The following PLXNA4 variants were observed in gnomAD, a reference collection of about 807,000 sequenced individuals.
PLXNA4 encodes the protein plexin A4.
In PLXNA4, 44 loss-of-function variants were observed where a neutral mutation model predicts 191.8. The ratio of observed to expected loss-of-function variants is 0.23; its 90% CI spans 0.18 to 0.29. PLXNA4 has a LOEUF of 0.29. Among genes scored for constraint, PLXNA4 ranks in the 10% least tolerant of loss-of-function variants. PLXNA4 has a pLI of 1.00. For missense variants in PLXNA4, 1,800 were observed against 2,488.8 expected, an observed-to-expected ratio of 0.72 and a Z score of 5.89; for synonymous variants, 1,082 against 1,009.5, an observed-to-expected ratio of 1.07 and a Z score of -1.36.
intron 1 of PLXNA4, among the ~76,000 whole-genome samples, chr7:132,551,452 A>C (rs1327563226): frequency 6.6e-6 from 1 of 152,226 alleles, no homozygotes; most frequent in African/African-American, 2.4e-5. Flanking sequence ...GAACAAACCT[A>C]TAATAGAAAA....
chr7:132,243,200 A>G (rs1798937924), intron 4 of PLXNA4, among the ~76,000 whole-genome samples: 1 of 152,230 alleles, frequency 6.6e-6, no homozygotes, highest in Non-Finnish European at 1.5e-5. Context: ...AAAAAATAAT[A>G]AAAGGGGCCA....
chr7:132,632,984 C>T (rs140900657), intron 2 of PLXNA4, among the ~76,000 whole-genome samples: 1,560 of 152,052 alleles, frequency 0.01, 15 homozygotes, highest in Admixed American at 0.021. Flanking sequence ...GGAGACAGAC[C>T]CCCAGCTTCA....
At chr7:132,632,254 A>G (rs932257949) in intron 2 of PLXNA4, among the ~76,000 whole-genome samples, 2 of 151,996 alleles carry the variant, frequency 1.3e-5, no homozygotes, top group African/African-American at 2.4e-5. Context: ...AAAAAAAAAA[A>G]AAAATGGAGG....
intron 1 of PLXNA4, among the ~76,000 whole-genome samples, chr7:132,539,759 T>C (rs554358551): frequency 6.6e-6 from 1 of 152,346 alleles, no homozygotes; most frequent in Admixed American, 6.5e-5. Context: ...CATAAATATT[T>C]GCTAATATTG....
At chr7:132,275,586 A>T (rs1173708771) in intron 4 of PLXNA4, among the ~76,000 whole-genome samples, 4 of 152,174 alleles carry the variant, frequency 2.6e-5, no homozygotes, top group African/African-American at 9.7e-5. Flanking sequence ...CTCTATAACT[A>T]TTAGCTCTCA....
intron 3 of PLXNA4, among the ~76,000 whole-genome samples, chr7:132,443,040 A>T (rs1795753407): frequency 1.3e-5 from 2 of 152,256 alleles, no homozygotes; most frequent in South Asian, 4.2e-4. Flanking sequence ...TTTTATCACG[A>T]AGGAGACCAA....
chr7:132,543,465 C>T (rs1217659735), intron 1 of PLXNA4, among the ~76,000 whole-genome samples: 1 of 152,204 alleles, frequency 6.6e-6, no homozygotes, highest in Admixed American at 6.5e-5. Flanking sequence ...ATATTTACCA[C>T]CTTACTAGCT....
In PLXNA4 at chr7:132,202,722, T is replaced by C; in HGVS notation, c.2510A>G (p.His837Arg). 6.2e-7 allele frequency: 1 copy of C among 1,608,486 alleles called. No homozygotes were observed. The highest frequency in any genetic ancestry group is 8.5e-7 in the Non-Finnish European group (1 of 1,177,010). The change falls in exon 12 of 32, where the codon CAC becomes CGC. Residue 837 changes from histidine (H) to arginine (R), a missense_variant. By Grantham distance (29) the His-to-Arg change is conservative. Transcript: ENST00000321063. ...CCACTGGCTCTCCTGGGCAGGGCAGTGCTGGCGCAGGGTGCACTGGCCTGG... is the reference window on the plus strand; with the variant it reads ...CCACTGGCTCTCCTGGGCAGGGCAGCGCTGGCGCAGGGTGCACTGGCCTGG... Reference protein sequence around the residue: ...QGPGQCTLRQHCPAQESQWLE... With the variant: ...QGPGQCTLRQRCPAQESQWLE...
At chr7:132,425,003 A>C (rs1026305035) in intron 3 of PLXNA4, among the ~76,000 whole-genome samples, 1 of 152,016 alleles carries the variant, frequency 6.6e-6, no homozygotes, top group African/African-American at 2.4e-5. Flanking sequence ...GCCCTACCCC[A>C]GCTGCCCTCT....
intron 3 of PLXNA4, among the ~76,000 whole-genome samples, chr7:132,401,798 G>A (rs746950970): frequency 6.6e-6 from 1 of 152,132 alleles, no homozygotes; most frequent in African/African-American, 2.4e-5. Context: ...GTGCTTAGAC[G>A]AGTGGATCTT....
intron 3 of PLXNA4, among the ~76,000 whole-genome samples, chr7:132,441,664 A>T (rs1795704857): frequency 6.6e-6 from 1 of 152,212 alleles, no homozygotes; most frequent in Non-Finnish European, 1.5e-5. Context: ...AGTCTATTTC[A>T]TGCCTTTTTA....
At chr7:132,411,239 T>C (rs1015307901) in intron 3 of PLXNA4, among the ~76,000 whole-genome samples, 1 of 152,176 alleles carries the variant, frequency 6.6e-6, no homozygotes, top group African/African-American at 2.4e-5. Context: ...CAAGTTCTCT[T>C]GGAGCTGGGT....
chr7:132,190,737 C>T (rs913958046), intron 14 of PLXNA4, among the ~76,000 whole-genome samples: 7 of 152,138 alleles, frequency 4.6e-5, no homozygotes, highest in South Asian at 4.1e-4. Context: ...AATGAGGTGG[C>T]GGTGATTCTA....
intron 9 of PLXNA4, among the ~76,000 whole-genome samples, chr7:132,217,736 C>T (rs1798008871): frequency 6.6e-6 from 1 of 151,804 alleles, no homozygotes; most frequent in Non-Finnish European, 1.5e-5. Flanking sequence ...ATAGAGAGAG[C>T]AAAGTAATAA....
chr7:132,235,085 A>C (rs1300767827), intron 5 of PLXNA4, among the ~76,000 whole-genome samples: 2 of 152,190 alleles, frequency 1.3e-5, no homozygotes, highest in African/African-American at 4.8e-5. Context: ...GGGGAGGAAG[A>C]CTTCCCAACA....
chr7:132,207,214 C>T (rs750781035), intron 10 of PLXNA4, among the ~76,000 whole-genome samples: 5 of 152,188 alleles, frequency 3.3e-5, no homozygotes, highest in Non-Finnish European at 5.9e-5. Flanking sequence ...TCAGCCATGT[C>T]CCAGTAAAGT....
chr7:132,434,012 C>T (rs974229777), intron 3 of PLXNA4, among the ~76,000 whole-genome samples: 1 of 152,240 alleles, frequency 6.6e-6, no homozygotes, highest in Non-Finnish European at 1.5e-5. Context: ...TCAGCACCTA[C>T]TAGGTGCCAT....
At chr7:132,544,271 A>G (rs1800201355) in intron 1 of PLXNA4, among the ~76,000 whole-genome samples, 1 of 152,226 alleles carries the variant, frequency 6.6e-6, no homozygotes, top group Non-Finnish European at 1.5e-5. Context: ...ACCCTCCCAG[A>G]GGAGAGATGA....
At chr7:132,643,174 G>A (rs981738880) in intron 2 of PLXNA4, among the ~76,000 whole-genome samples, 2 of 152,140 alleles carry the variant, frequency 1.3e-5, no homozygotes, top group African/African-American at 4.8e-5. Flanking sequence ...GGGAAGGCTT[G>A]CATGTGGACA....
Sources: allele counts gnomAD v4.1 joint callset (sites outside exome capture counted in the v4.1 genomes callset), GRCh38; gene constraint gnomAD v4.1.1; transcripts MANE v1.5; gene names NCBI Gene and HGNC (gene_info 2026-07-23, HGNC 2026-07-21).